Variants in DENND2C observed in about 807,000 individuals in gnomAD.
DENND2C encodes DENN domain-containing protein 2C.
Under a neutral mutation model 112.4 loss-of-function variants are expected in DENND2C, and 72 were observed. That is an observed-to-expected ratio of 0.64 (90% CI 0.53 to 0.78). The LOEUF (loss-of-function observed/expected upper bound fraction) is 0.78. DENND2C is among the 30% of genes least tolerant of loss of function. The pLI is 0.00. For synonymous variants in DENND2C, 329 were observed against 381.6 expected (o/e 0.86, Z 1.61); for missense variants, 992 against 1,113.8 (o/e 0.89, Z 1.56).
At chr1:114,644,005 T>C (rs996718807) in intron 3 of DENND2C, among the ~76,000 whole-genome samples, 4 of 152,186 alleles carry the variant, frequency 2.6e-5, no homozygotes, top group South Asian at 4.1e-4. Context: ...TTGTAACGGG[T>C]ACTACTGGAG....
At chr1:114,609,940 AATTAGTCATCTTCACAC>A (rs1294748907) in intron 9 of DENND2C, among the ~76,000 whole-genome samples, 5 of 152,194 alleles carry the variant, frequency 3.3e-5, no homozygotes, top group African/African-American at 1.2e-4. Flanking sequence ...AACAGCCCTA[AATTAGTCATCTTCACAC>A]ATCTAGGCTG....
chr1:114,622,760 AG>A (rs1274070141), intron 6 of DENND2C, among the ~76,000 whole-genome samples: 3 of 151,870 alleles, frequency 2.0e-5, no homozygotes, highest in Non-Finnish European at 4.4e-5. Context: ...GGCTGTCTAA[AG>A]GCATATATAT....
intron 1 of DENND2C, among the ~76,000 whole-genome samples, chr1:114,660,801 T>C (rs1657469854): frequency 6.6e-6 from 1 of 152,200 alleles, no homozygotes; most frequent in African/African-American, 2.4e-5. Context: ...CCCATACAGC[T>C]GTGGTTAAAT....
Position 114,623,534 on chromosome 1 carries a change from C to G in DENND2C, c.916G>C (p.Glu306Gln), listed in dbSNP as rs1412234288. 1.6e-5 allele frequency: 26 copies of G among 1,609,128 alleles called. No homozygotes were observed. The highest frequency in any genetic ancestry group is 2.2e-5 in the Non-Finnish European group (26 of 1,178,090). Residue 306 changes from glutamate (E) to glutamine (Q), a missense_variant, in exon 5 of 21, where the codon GAG becomes CAG. Glu to Gln is a conservative substitution (Grantham distance 29). Transcript: ENST00000393274. ...ATGATATCTTCATAGATATTGTCCT[C>G]AGACTGTGTGTAATAAAGTGCTGAC... The part of the protein sequence containing the change: ...SGSALYYTQS[E>Q]DNIYEDIIYP...
chr1:114,597,595 AACATC>A (rs1655379183), intron 16 of DENND2C, among the ~76,000 whole-genome samples: 1 of 152,162 alleles, frequency 6.6e-6, no homozygotes, highest in Non-Finnish European at 1.5e-5. Context: ...CAGCCTGGCC[AACATC>A]GTGAAACCCC....
rs763532040 is a variant in DENND2C, at chr1:114,626,013, GAATCTTACA to G, written c.-38_-30del. On this transcript the variant is annotated 5_prime_UTR_variant, in exon 4 of 21. An upstream open reading frame in the 5' UTR loses its in-frame stop. Transcript: ENST00000393274. ...CCCAACTGGGTGAATGACAAGTGAT[GAATCTTACA>G]AAGGTTCCATTACAAGTAAATGTGA... 6.4e-7 allele frequency: 1 copy of G among 1,569,024 alleles called. No individual in the cohort carries two copies. Among genetic ancestry groups the G allele is most frequent in the East Asian group, 2.3e-5 (1 of 44,412 alleles).
chr1:114,641,960 TA>T (rs1370966909), intron 3 of DENND2C, among the ~76,000 whole-genome samples: 2 of 152,052 alleles, frequency 1.3e-5, no homozygotes, highest in Non-Finnish European at 2.9e-5. Context: ...TGTATATATA[TA>T]TATTTTTTTG....
intron 8 of DENND2C, among the ~76,000 whole-genome samples, chr1:114,612,558 C>T (rs1655852524): frequency 2.1e-5 from 3 of 145,294 alleles, no homozygotes; most frequent in Admixed American, 6.9e-5. Flanking sequence ...CTCACTCTGT[C>T]GCCCAGGCTG....
At chr1:114,613,717 T>C (rs1271149331) in intron 8 of DENND2C, among the ~76,000 whole-genome samples, 1 of 152,180 alleles carries the variant, frequency 6.6e-6, no homozygotes, top group Non-Finnish European at 1.5e-5. Context: ...CTTAATTGGC[T>C]TAATATATTC....
chr1:114,667,461 T>C (rs1168125798), intron 1 of DENND2C, among the ~76,000 whole-genome samples: 1 of 152,174 alleles, frequency 6.6e-6, no homozygotes, highest in Non-Finnish European at 1.5e-5. Flanking sequence ...TGAGGTGCTT[T>C]TTAATGAAAA....
At chr1:114,623,213 CTGTAGGGA>C (rs1417614103) in intron 5 of DENND2C, 114 bp from the exon 6 acceptor site, 23 of 979,400 alleles carry the variant, frequency 2.3e-5, no homozygotes, top group Non-Finnish European at 1.5e-6. Flanking sequence ...TTCTACATTG[CTGTAGGGA>C]TGTGGGTTTC....
chr1:114,644,996 C>T (rs191074568), intron 3 of DENND2C, among the ~76,000 whole-genome samples: 3 of 152,218 alleles, frequency 2.0e-5, no homozygotes, highest in East Asian at 1.9e-4. Context: ...AATCATTTTA[C>T]TAGTTTAAAT....
At position 114,599,560 on chromosome 1, in the gene DENND2C, T is replaced by G. The variant is rs932965853; in HGVS notation, c.2106-109A>C. 8.5e-5 allele frequency: 75 copies of G among 878,518 alleles called. 1 individual carries two copies. Among genetic ancestry groups the G allele is most frequent in the Middle Eastern group, 6.5e-4 (2 of 3,092 alleles). The allele number at this position is 878,518 out of a possible 1,614,324, so 54.4% of individuals were successfully genotyped here. A position where few individuals can be genotyped will look rare whatever the true frequency, so the allele number is the denominator to read the frequency against. On this transcript the variant is annotated intron_variant, in intron 15 of 20. Coordinates refer to ENST00000393274, the MANE Select transcript of DENND2C (RefSeq NM_001256404.2). ...TTGATGCTGGTTAGTGATCATAGAT[T>G]AAAAACTATGCAAACAGTCATTAAT...
At chr1:114,667,033 C>T (rs1657665242) in intron 1 of DENND2C, among the ~76,000 whole-genome samples, 1 of 152,112 alleles carries the variant, frequency 6.6e-6, no homozygotes, top group African/African-American at 2.4e-5. Context: ...TTCTACACAC[C>T]CTGGCCTTCA....
chr1:114,587,632 T>C (rs1655075301), intron 19 of DENND2C, 84 bp downstream of exon 19: 1 of 1,440,356 alleles, frequency 6.9e-7, no homozygotes, highest in Non-Finnish European at 9.5e-7. Flanking sequence ...CCTTGTCGCT[T>C]TACAATACTT....
chr1:114,620,340 T>A (rs1026295912), intron 7 of DENND2C, among the ~76,000 whole-genome samples: 1 of 152,070 alleles, frequency 6.6e-6, no homozygotes, highest in Non-Finnish European at 1.5e-5. Flanking sequence ...AGAAAAAATA[T>A]TAGAAAGGGA....
intron 18 of DENND2C, among the ~76,000 whole-genome samples, chr1:114,592,667 C>T (rs982799564): frequency 7.9e-5 from 12 of 152,152 alleles, no homozygotes; most frequent in African/African-American, 2.9e-4. Context: ...CTGCAGTGAG[C>T]TATGATCGCA....
intron 2 of DENND2C, among the ~76,000 whole-genome samples, chr1:114,650,673 CA>C (rs58693255): frequency 0.093 from 5,686 of 61,308 alleles, 39 homozygotes; most frequent in Middle Eastern, 0.19. Context: ...GACTCCGTCT[CA>C]AAAAAAAAAA....
chr1:114,666,674 C>T lies in DENND2C; in HGVS notation c.-574+3309G>A, dbSNP rs1388294703. The stretch of plus-strand genomic sequence containing the variant: ...TTCGCCATGTTGACCAGGATGCTCC[C>T]GATCTCCTGACCTCTTGATCCACCT... On this transcript the variant is annotated intron_variant, in intron 1 of 20. Coordinates refer to ENST00000393274, the MANE Select transcript of DENND2C (RefSeq NM_001256404.2). Among the ~76,000 whole-genome samples, 6 of 152,234 alleles carry T rather than the reference C, an allele frequency of 3.9e-5. No individual in the cohort carries two copies. In the South Asian group the frequency reaches 6.2e-4, roughly 16 times the overall value.
Sources: allele counts gnomAD v4.1 joint callset (sites outside exome capture counted in the v4.1 genomes callset), GRCh38; gene constraint gnomAD v4.1.1; transcripts MANE v1.5; gene names NCBI Gene and HGNC (gene_info 2026-07-23, HGNC 2026-07-21).